Variants in STPG2 observed in about 807,000 individuals in gnomAD.
STPG2 encodes the protein sperm tail PG-rich repeat containing 2, also known as sperm-tail PG-rich repeat-containing protein 2.
In STPG2, 56 loss-of-function variants were observed where a neutral mutation model predicts 54.2. That is an observed-to-expected ratio of 1.03 (90% CI 0.83 to 1.29). The LOEUF is 1.29. STPG2 is among the 50% of genes most tolerant of loss of function. The pLI, the probability that STPG2 is intolerant of heterozygous loss-of-function variation, is 0.00. For missense variants in STPG2, 596 were observed against 544.9 expected (o/e 1.09, Z -0.93); for synonymous variants, 200 against 181.8 (o/e 1.10, Z -0.81).
chr4:97,473,887 A>G (rs1730006967), intron 4 of STPG2, among the ~76,000 whole-genome samples: 1 of 152,138 alleles, frequency 6.6e-6, no homozygotes, highest in African/African-American at 2.4e-5. Flanking sequence ...ATCGGGGGTG[A>G]ATTTTGCCTG....
intron 8 of STPG2, among the ~76,000 whole-genome samples, chr4:97,904,181 T>C (rs2149190357): frequency 1.3e-5 from 2 of 152,328 alleles, no homozygotes; most frequent in East Asian, 3.9e-4. Flanking sequence ...CAGTAACCTC[T>C]GCAGACTTAA....
chr4:97,703,084 C>T (rs1723826799), intron 10 of STPG2, among the ~76,000 whole-genome samples: 1 of 151,962 alleles, frequency 6.6e-6, no homozygotes, highest in Admixed American at 6.6e-5. Context: ...TGGTTCTCCG[C>T]ATATGGTCAA....
chr4:97,765,262 T>C (rs1045238781), intron 9 of STPG2, among the ~76,000 whole-genome samples: 1 of 152,176 alleles, frequency 6.6e-6, no homozygotes, highest in Admixed American at 6.5e-5. Context: ...CTTGGTGTAC[T>C]GTTCAATCCA....
chr4:97,812,422 C>T (rs1255040028), intron 9 of STPG2, among the ~76,000 whole-genome samples: 1 of 152,100 alleles, frequency 6.6e-6, no homozygotes, highest in Non-Finnish European at 1.5e-5. Context: ...CATTTATAAC[C>T]TGTTCCACAT....
intron 8 of STPG2, among the ~76,000 whole-genome samples, chr4:97,884,502 C>A (rs984501397): frequency 6.6e-6 from 1 of 152,022 alleles, no homozygotes; most frequent in African/African-American, 2.4e-5. Context: ...CCATTGAAAG[C>A]CAAGAAGAGA....
At chr4:97,677,744 C>T (rs950364193) in intron 10 of STPG2, among the ~76,000 whole-genome samples, 2 of 152,182 alleles carry the variant, frequency 1.3e-5, no homozygotes, top group African/African-American at 4.8e-5. Context: ...GACACATGGC[C>T]AGGCTTCCTA....
At chr4:97,864,246 A>G (rs980228986) in intron 8 of STPG2, among the ~76,000 whole-genome samples, 2 of 152,250 alleles carry the variant, frequency 1.3e-5, no homozygotes, top group African/African-American at 2.4e-5. Flanking sequence ...CAACTTCAGC[A>G]AAGTCTCAGG....
intron 9 of STPG2, among the ~76,000 whole-genome samples, chr4:97,827,002 T>C (rs2149108826): frequency 6.6e-6 from 1 of 152,306 alleles, no homozygotes; most frequent in East Asian, 1.9e-4. Flanking sequence ...ATTTGACAGG[T>C]GATCCTGAAT....
At chr4:97,857,384 T>G (rs1729369532) in intron 8 of STPG2, among the ~76,000 whole-genome samples, 1 of 152,158 alleles carries the variant, frequency 6.6e-6, no homozygotes, top group Non-Finnish European at 1.5e-5. Flanking sequence ...TGTTTCAGTC[T>G]TGGGAGGGTG....
intron 10 of STPG2, among the ~76,000 whole-genome samples, chr4:97,649,709 G>T (rs761044624): frequency 2.6e-5 from 4 of 152,082 alleles, no homozygotes; most frequent in Non-Finnish European, 4.4e-5. Context: ...GAAAATGGTT[G>T]TAACAGACCA....
chr4:97,850,261 G>A lies in STPG2; in HGVS notation c.1045-9329C>T, dbSNP rs184159048. On this transcript the variant is annotated intron_variant, in intron 8 of 10. Transcript: ENST00000295268. ...ACAGGAAGGGGAATATCACACTCTG[G>A]GGACTGTGGTGGGGAGGGGGGAGGG... Among the ~76,000 whole-genome samples, 580 of 96,098 alleles carry A rather than the reference G, an allele frequency of 6.0e-3. 4 individuals carry two copies. The highest frequency in any genetic ancestry group is 0.036 in the Middle Eastern group (4 of 110). 63.0% of individuals were successfully genotyped at this position (96,098 alleles called of 152,430 possible). A position where few individuals can be genotyped will look rare whatever the true frequency, so the allele number is the denominator to read the frequency against.
At chr4:97,827,322 T>G (rs1368341865) in intron 9 of STPG2, among the ~76,000 whole-genome samples, 2 of 147,828 alleles carry the variant, frequency 1.4e-5, no homozygotes, top group Non-Finnish European at 3.0e-5. Context: ...TGCAAGCTCC[T>G]CATCCCGGGT....
chr4:97,784,712 GA>G (rs5860513), intron 9 of STPG2, among the ~76,000 whole-genome samples: 151,915 of 151,930 alleles, frequency 1, 75,950 homozygotes, highest in Middle Eastern at 1. Flanking sequence ...GTATTACAAA[GA>G]AAAAAAACAC....
intron 9 of STPG2, among the ~76,000 whole-genome samples, chr4:97,822,972 G>T (rs559925958): frequency 6.6e-6 from 1 of 152,280 alleles, no homozygotes; most frequent in East Asian, 1.9e-4. Flanking sequence ...TTGATTCTTT[G>T]AAGGCCAAGA....
intron 8 of STPG2, among the ~76,000 whole-genome samples, chr4:97,906,297 C>T (rs965150466): frequency 6.6e-6 from 1 of 152,112 alleles, no homozygotes; most frequent in Non-Finnish European, 1.5e-5. Flanking sequence ...AAACATACAC[C>T]CTCCCAAGAC....
rs577929921 is a variant in STPG2 at position 97,512,110 on chromosome 4, A to G, written c.462+200589T>C. 9.2e-5 allele frequency among the ~76,000 whole-genome samples: 14 copies of G among 152,250 alleles called. No homozygotes were observed. In the South Asian group the frequency reaches 2.9e-3, roughly 32 times the overall value. On this transcript the variant is annotated intron_variant, in intron 4 of 4. Transcript: ENST00000522676. ...ATAAGAAAATTGGACTTGCACTTTG[A>G]AAGTTTCAAAATGGCAACAGTTTGA...
chr4:97,511,123 T>A (rs1239730271), intron 4 of STPG2, among the ~76,000 whole-genome samples: 1 of 152,096 alleles, frequency 6.6e-6, no homozygotes, highest in Non-Finnish European at 1.5e-5. Flanking sequence ...AGTAATTATG[T>A]AAATTCAAAA....
intron 8 of STPG2, among the ~76,000 whole-genome samples, chr4:97,930,839 C>T (rs1413149148): frequency 6.6e-6 from 1 of 152,016 alleles, no homozygotes; most frequent in Non-Finnish European, 1.5e-5. Context: ...TTGTTTGTGT[C>T]TTCTGTCTTC....
intron 8 of STPG2, among the ~76,000 whole-genome samples, chr4:97,894,565 A>G (rs1211915904): frequency 6.6e-6 from 1 of 151,762 alleles, no homozygotes; most frequent in Non-Finnish European, 1.5e-5. Flanking sequence ...TCCTCAGTTC[A>G]TTTATCTCAG....
Sources: allele counts gnomAD v4.1 joint callset (sites outside exome capture counted in the v4.1 genomes callset), GRCh38; gene constraint gnomAD v4.1.1; transcripts MANE v1.5; gene names NCBI Gene and HGNC (gene_info 2026-07-23, HGNC 2026-07-21).